DCC: variants seen among roughly 807,000 people sequenced by gnomAD.
DCC encodes the protein netrin receptor DCC.
A neutral mutation model predicts 172.5 loss-of-function variants in DCC; 58 were observed. The ratio of observed to expected loss-of-function variants is 0.34; its 90% CI spans 0.27 to 0.42. The LOEUF (loss-of-function observed/expected upper bound fraction) is 0.42. Ranked by LOEUF, DCC falls within the 10% of genes least tolerant of loss-of-function variation. The pLI is 1.00. For synonymous variants in DCC, 709 were observed against 644.5 expected, an observed-to-expected ratio of 1.10 and a Z score of -1.52; for missense variants, 1,740 against 1,791.0, an observed-to-expected ratio of 0.97 and a Z score of 0.51.
chr18:53,459,193 T>G, intron 23 of DCC, 39 bp from the exon 24 acceptor site: 1 of 1,471,744 alleles, frequency 6.8e-7, no homozygotes, highest in Non-Finnish European at 9.5e-7. Context: ...TGCCATTGAA[T>G]AGAGGTTCTC....
intron 23 of DCC, among the ~76,000 whole-genome samples, chr18:53,457,659 C>A (rs2045500365): frequency 6.6e-6 from 1 of 152,004 alleles, no homozygotes; most frequent in Non-Finnish European, 1.5e-5. Context: ...TTGCCGTGGG[C>A]AAGTGAAGTA....
intron 18 of DCC, among the ~76,000 whole-genome samples, chr18:53,399,101 A>T (rs917413578): frequency 1.7e-4 from 26 of 152,100 alleles, no homozygotes; most frequent in African/African-American, 6.0e-4. Flanking sequence ...TGAATCCTTC[A>T]TTTGGTTTTG....
intron 14 of DCC, among the ~76,000 whole-genome samples, chr18:53,323,680 TGGTTGGAA>T (rs978148531): frequency 3.3e-5 from 5 of 152,062 alleles, no homozygotes; most frequent in South Asian, 2.1e-4. Context: ...GATGGTTGGA[TGGTTGGAA>T]GGTTGGAAGG....
chr18:52,773,264 T>C (rs566474609), intron 2 of DCC, among the ~76,000 whole-genome samples: 1 of 152,336 alleles, frequency 6.6e-6, no homozygotes, highest in Non-Finnish European at 1.5e-5. Context: ...GAACTCTTAA[T>C]GGTGAAGATT....
chr18:52,972,896 C>T (rs1275559451), intron 5 of DCC, among the ~76,000 whole-genome samples: 1 of 152,186 alleles, frequency 6.6e-6, no homozygotes, highest in East Asian at 1.9e-4. Flanking sequence ...TGGTTCCATG[C>T]TATGCATGAT....
At chr18:52,989,500 G>T (rs575278266) in intron 5 of DCC, among the ~76,000 whole-genome samples, 26 of 152,274 alleles carry the variant, frequency 1.7e-4, no homozygotes, top group African/African-American at 6.3e-4. Context: ...TACAGCCTGG[G>T]CGACAAGAGG....
At chr18:53,495,365 G>C (rs553802326) in intron 26 of DCC, among the ~76,000 whole-genome samples, 10 of 148,566 alleles carry the variant, frequency 6.7e-5, no homozygotes, top group African/African-American at 2.5e-4. Flanking sequence ...ATTCCAGCCT[G>C]GGTAACAGAG....
chr18:52,370,540 A>G (rs1985074167), intron 1 of DCC, among the ~76,000 whole-genome samples: 1 of 152,146 alleles, frequency 6.6e-6, no homozygotes, highest in Non-Finnish European at 1.5e-5. Context: ...ATTGGGGGGA[A>G]CAATACACAC....
chr18:52,684,203 G>A (rs1374290236), intron 1 of DCC, among the ~76,000 whole-genome samples: 3 of 151,984 alleles, frequency 2.0e-5, no homozygotes, highest in Non-Finnish European at 4.4e-5. Context: ...TATATTCTGT[G>A]GATATCTGAC....
At chr18:52,848,082 A>ATTTTT (rs11291428) in intron 2 of DCC, among the ~76,000 whole-genome samples, 1 of 127,390 alleles carries the variant, frequency 7.8e-6, no homozygotes, top group Non-Finnish European at 1.6e-5. Context: ...GACTTTTCTA[A>ATTTTT]TTTTTTTTTT....
At chr18:52,352,196 A>G (rs1984154408) in intron 1 of DCC, among the ~76,000 whole-genome samples, 1 of 152,228 alleles carries the variant, frequency 6.6e-6, no homozygotes, top group Non-Finnish European at 1.5e-5. Flanking sequence ...TAAGTATTTC[A>G]TAAATGCTAG....
intron 2 of DCC, among the ~76,000 whole-genome samples, chr18:52,897,538 A>T (rs1004195286): frequency 2.8e-4 from 42 of 152,358 alleles, no homozygotes; most frequent in African/African-American, 9.6e-4. Context: ...GAAATAAAAT[A>T]CAGAAAACAT....
At chr18:52,481,080 T>A (rs2029940287) in intron 1 of DCC, among the ~76,000 whole-genome samples, 1 of 152,202 alleles carries the variant, frequency 6.6e-6, no homozygotes, top group Admixed American at 6.5e-5. Flanking sequence ...TGGAGATAAT[T>A]TTTGTGTGTA....
rs775733415 is a variant in DCC at position 53,339,891 on chromosome 18, T to C, written c.2343T>C (p.Tyr781=). 35 of 1,613,612 alleles carry C rather than the reference T, an allele frequency of 2.2e-5. No individual in the cohort carries two copies. The highest frequency in any genetic ancestry group is 8.3e-5 in the Admixed American group (5 of 59,968). The change falls in exon 15 of 29, where the codon TAT becomes TAC. Residue 781 remains tyrosine, a synonymous_variant. Transcript: ENST00000442544. ...TVRVDSKQRY[Y]SIERLESSSH... ...GTGTGGACAGCAAGCAGCGATATTATTCCATTGAGAGGTTAGGTGAGTATC... is the reference window on the plus strand; with the variant it reads ...GTGTGGACAGCAAGCAGCGATATTACTCCATTGAGAGGTTAGGTGAGTATC...
chr18:52,886,242 G>T (rs1336734657), intron 2 of DCC, among the ~76,000 whole-genome samples: 4 of 152,078 alleles, frequency 2.6e-5, no homozygotes, highest in Admixed American at 1.3e-4. Flanking sequence ...AGGAATTGAA[G>T]TCTTTGTGTC....
At chr18:52,442,265 T>C (rs1321326635) in intron 1 of DCC, among the ~76,000 whole-genome samples, 2 of 152,164 alleles carry the variant, frequency 1.3e-5, no homozygotes, top group African/African-American at 4.8e-5. Flanking sequence ...TTTCATGATA[T>C]AGCTAACACC....
At chr18:53,280,671 T>G (rs1312914347) in intron 12 of DCC, among the ~76,000 whole-genome samples, 1 of 152,114 alleles carries the variant, frequency 6.6e-6, no homozygotes, top group Non-Finnish European at 1.5e-5. Context: ...AAAATCACTA[T>G]TAATGAACGT....
chr18:53,204,891 G>A (rs922397740), intron 9 of DCC, among the ~76,000 whole-genome samples: 4 of 152,074 alleles, frequency 2.6e-5, no homozygotes, highest in Non-Finnish European at 4.4e-5. Flanking sequence ...GTGGCATAGT[G>A]GCAAATTTTT....
chr18:53,487,023 A>C, intron 26 of DCC, 65 bp downstream of exon 26: 1 of 1,601,872 alleles, frequency 6.2e-7, no homozygotes, highest in Non-Finnish European at 8.5e-7. Context: ...CTTGTAAAAT[A>C]TGTTGCATTC....
Sources: allele counts gnomAD v4.1 joint callset (sites outside exome capture counted in the v4.1 genomes callset), GRCh38; gene constraint gnomAD v4.1.1; transcripts MANE v1.5; gene names NCBI Gene and HGNC (gene_info 2026-07-23, HGNC 2026-07-21).